Variants in RUNX2 observed in about 807,000 individuals in gnomAD.
RUNX2 encodes the protein runt-related transcription factor 2.
In RUNX2, 10 loss-of-function variants were observed where a neutral mutation model predicts 51.7. The observed-to-expected ratio is 0.19, with a 90% confidence interval of 0.12 to 0.33. The LOEUF (loss-of-function observed/expected upper bound fraction) is 0.33, where lower values mean the gene tolerates loss of function less well. Among genes scored for constraint, RUNX2 ranks in the 10% least tolerant of loss-of-function variants. The pLI is 1.00. For missense variants in RUNX2, 562 were observed against 691.3 expected (o/e 0.81, Z 2.10); for synonymous variants, 276 against 273.6 (o/e 1.01, Z -0.09).
At chr6:45,329,753 T>C (rs1304760608) in intron 2 of RUNX2, among the ~76,000 whole-genome samples, 1 of 151,972 alleles carries the variant, frequency 6.6e-6, no homozygotes, top group Non-Finnish European at 1.5e-5. Context: ...AATTTCAAGT[T>C]ACTGTTGATA....
At chr6:45,392,126 C>T (rs1431039689) in intron 2 of RUNX2, among the ~76,000 whole-genome samples, 4 of 152,106 alleles carry the variant, frequency 2.6e-5, no homozygotes, top group Admixed American at 6.6e-5. Context: ...CTCAGAATTA[C>T]GTAATACATA....
At position 45,492,035 on chromosome 6, in the gene RUNX2, T is replaced by C. The variant is rs1304868730; in HGVS notation, c.780T>C (p.Gly260=). 6.2e-7 allele frequency: 1 copy of C among 1,613,968 alleles called. No homozygotes were observed. Among genetic ancestry groups the C allele is most frequent in the African/African-American group, 1.3e-5 (1 of 75,002 alleles). Residue 260 remains glycine (G), a synonymous_variant, in exon 6 of 9, where the codon GGT becomes GGC. Coordinates refer to ENST00000647337, the MANE Select transcript of RUNX2 (RefSeq NM_001024630.4). ...TTCCTCATCCCAGTATGAGAGTAGG[T>C]GTCCCGCCTCAGAACCCACGGCCCT... is the stretch of plus-strand genomic sequence containing the variant. ...GRIPHPSMRV[G]VPPQNPRPSL... is the part of the protein sequence containing the mutation.
intron 7 of RUNX2, among the ~76,000 whole-genome samples, chr6:45,515,922 A>G (rs1470554168): frequency 6.6e-6 from 1 of 152,166 alleles, no homozygotes; most frequent in Non-Finnish European, 1.5e-5. Flanking sequence ...ACCAGAAAGA[A>G]CTGTTCCAAA....
In RUNX2 at chr6:45,457,900, T is replaced by G. The variant is rs2150384221; in HGVS notation, c.685+19849T>G. 2.6e-5 allele frequency among the ~76,000 whole-genome samples: 4 copies of G among 152,280 alleles called. 1 individual carries two copies. The South Asian group carries it at 8.3e-4, about 32-fold the overall frequency. On this transcript the variant is annotated intron_variant, in intron 5 of 8. Transcript: ENST00000647337. Reference sequence around the variant, plus strand: ...AAAGTGTGCAGAGGTGGCTCTAAAATGCATTTGTCTGGTTAATATGACAAG... The same window carrying G: ...AAAGTGTGCAGAGGTGGCTCTAAAAGGCATTTGTCTGGTTAATATGACAAG...
chr6:45,426,509 A>G lies in RUNX2; in HGVS notation c.423+3552A>G, dbSNP rs559814913. 2.0e-5 allele frequency among the ~76,000 whole-genome samples: 3 copies of G among 152,314 alleles called. No individual in the cohort carries two copies. In the South Asian group the frequency reaches 6.2e-4, roughly 32 times the overall value. On this transcript the variant is annotated intron_variant, in intron 3 of 8. Coordinates refer to ENST00000647337, the MANE Select transcript of RUNX2 (RefSeq NM_001024630.4). The stretch of plus-strand genomic sequence containing the variant: ...ATTTCCACTGTGAAGCCTGGTGTTC[A>G]GGGTTCGTAACTTAGTTGCCTTAAA...
chr6:45,341,920 G>C (rs564752369), intron 2 of RUNX2, among the ~76,000 whole-genome samples: 108 of 152,200 alleles, frequency 7.1e-4, no homozygotes, highest in African/African-American at 2.6e-3. Context: ...AAGGTTCTGT[G>C]TACAGCCAGA....
intron 6 of RUNX2, among the ~76,000 whole-genome samples, chr6:45,497,341 C>T (rs1426704961): frequency 6.6e-6 from 1 of 152,096 alleles, no homozygotes. Flanking sequence ...GTTCAGACCC[C>T]TATTTGCCCT....
chr6:45,427,841 A>T (rs1158890725), intron 3 of RUNX2, among the ~76,000 whole-genome samples: 1 of 152,134 alleles, frequency 6.6e-6, no homozygotes, highest in Non-Finnish European at 1.5e-5. Flanking sequence ...AGTCATAAGG[A>T]GTCTCATACA....
chr6:45,425,395 T>C (rs1352741623), intron 3 of RUNX2, among the ~76,000 whole-genome samples: 11 of 152,232 alleles, frequency 7.2e-5, no homozygotes, highest in Admixed American at 7.2e-4. Context: ...TTTTGCTCTT[T>C]GTTATTAATC....
At chr6:45,396,650 C>G (rs1160440682) in intron 2 of RUNX2, among the ~76,000 whole-genome samples, 2 of 152,224 alleles carry the variant, frequency 1.3e-5, no homozygotes, top group Non-Finnish European at 2.9e-5. Flanking sequence ...CAGCGATCCT[C>G]TTGCCTTGAT....
chr6:45,449,795 TTGTATAACTTA>T, intron 5 of RUNX2, among the ~76,000 whole-genome samples: 1 of 152,316 alleles, frequency 6.6e-6, no homozygotes, highest in Non-Finnish European at 1.5e-5. Flanking sequence ...AAATAATACA[TTGTATAACTTA>T]ACCTCAATAG....
chr6:45,363,210 G>C (rs1263210461), intron 2 of RUNX2, among the ~76,000 whole-genome samples: 1 of 152,122 alleles, frequency 6.6e-6, no homozygotes, highest in African/African-American at 2.4e-5. Flanking sequence ...AGATGAATAA[G>C]CCTGGGTATG....
At chr6:45,478,006 T>C (rs1800004165) in intron 5 of RUNX2, among the ~76,000 whole-genome samples, 3 of 152,136 alleles carry the variant, frequency 2.0e-5, no homozygotes, top group African/African-American at 4.8e-5. Context: ...CTCATCTCGG[T>C]GTCTTTGCAC....
chr6:45,394,200 G>A (rs889854298), intron 2 of RUNX2, among the ~76,000 whole-genome samples: 1 of 152,024 alleles, frequency 6.6e-6, no homozygotes, highest in Non-Finnish European at 1.5e-5. Context: ...GAGCCACTGC[G>A]ACCAGCTACC....
At chr6:45,546,782 T>C in intron 8 of RUNX2, 45 bp from the exon 9 acceptor site, 3 of 1,425,012 alleles carry the variant, frequency 2.1e-6, no homozygotes, top group Non-Finnish European at 3.0e-6. Flanking sequence ...TTATTTTAAT[T>C]GATATTTACA....
intron 2 of RUNX2, among the ~76,000 whole-genome samples, chr6:45,349,477 T>A (rs1791583954): frequency 6.6e-6 from 1 of 152,164 alleles, no homozygotes; most frequent in South Asian, 2.1e-4. Flanking sequence ...AACATCAACA[T>A]CACCTGGGAA....
chr6:45,492,200 A>C, intron 6 of RUNX2, 86 bp downstream of exon 6: 1 of 1,306,018 alleles, frequency 7.7e-7, no homozygotes, highest in Non-Finnish European at 1.1e-6. Context: ...TCACTTCAAA[A>C]CTCCTGGAGC....
chr6:45,434,727 T>C (rs921062136), intron 4 of RUNX2, among the ~76,000 whole-genome samples: 1 of 152,176 alleles, frequency 6.6e-6, no homozygotes, highest in Admixed American at 6.5e-5. Context: ...TATGCTTTCT[T>C]TTTCCTGATG....
At chr6:45,378,033 A>C (rs1031441202) in intron 2 of RUNX2, 1 of 151,896 alleles carries the variant, frequency 6.6e-6, no homozygotes, top group South Asian at 2.1e-4. Context: ...CGCCCCCCGC[A>C]CTGGCAGTGC....
Sources: allele counts gnomAD v4.1 joint callset (sites outside exome capture counted in the v4.1 genomes callset), GRCh38; gene constraint gnomAD v4.1.1; transcripts MANE v1.5; gene names NCBI Gene and HGNC (gene_info 2026-07-23, HGNC 2026-07-21).